MRPS27: variants seen among roughly 807,000 people sequenced by gnomAD.
MRPS27 encodes the protein mitochondrial ribosomal protein S27.
Under a neutral mutation model 48.9 loss-of-function variants are expected in MRPS27, and 43 were observed. That is an observed-to-expected ratio of 0.88 (90% confidence interval 0.69 to 1.13). The LOEUF is 1.13. Ranked by LOEUF, MRPS27 falls within the 50% of genes most tolerant of loss-of-function variation. The pLI, the probability that MRPS27 is intolerant of heterozygous loss-of-function variation, is 0.00. For synonymous variants in MRPS27, 188 were observed against 171.9 expected (o/e 1.09, Z -0.73); for missense variants, 467 against 476.3 (o/e 0.98, Z 0.18).
chr5:72,312,455 A>C (rs977888209), intron 2 of MRPS27, among the ~76,000 whole-genome samples: 3 of 151,966 alleles, frequency 2.0e-5, no homozygotes, highest in Non-Finnish European at 4.4e-5. Context: ...ACCCATCTAC[A>C]CTTCTTCCAT....
At chr5:72,261,731 T>C (rs1196630034) in intron 4 of MRPS27, among the ~76,000 whole-genome samples, 1 of 152,232 alleles carries the variant, frequency 6.6e-6, no homozygotes, top group Non-Finnish European at 1.5e-5. Context: ...GTCCGTACTA[T>C]AAAAGAGAAC....
intron 4 of MRPS27, among the ~76,000 whole-genome samples, chr5:72,258,000 C>T (rs150650063): frequency 7.4e-5 from 11 of 149,330 alleles, no homozygotes; most frequent in African/African-American, 2.7e-4. Flanking sequence ...ATGAGAATTG[C>T]TTGAACCTGG....
intron 2 of MRPS27, among the ~76,000 whole-genome samples, chr5:72,306,074 T>C (rs188369337): frequency 2.4e-3 from 365 of 152,348 alleles, no homozygotes; most frequent in Non-Finnish European, 4.0e-3. Context: ...AATGTCTCAA[T>C]TATTTAAATC....
At chr5:72,288,036 A>G (rs1176490757) in intron 4 of MRPS27, among the ~76,000 whole-genome samples, 1 of 152,190 alleles carries the variant, frequency 6.6e-6, no homozygotes, top group African/African-American at 2.4e-5. Flanking sequence ...CCAGAGGAAT[A>G]AAATGGAATA....
intron 4 of MRPS27, among the ~76,000 whole-genome samples, chr5:72,277,566 TG>T (rs1749410401): frequency 6.6e-6 from 1 of 151,368 alleles, no homozygotes; most frequent in Non-Finnish European, 1.5e-5. Flanking sequence ...ATCTTGCCAC[TG>T]CACTCCAGCC....
chr5:72,259,385 T>G (rs1348166347), intron 4 of MRPS27, among the ~76,000 whole-genome samples: 1 of 151,562 alleles, frequency 6.6e-6, no homozygotes, highest in Non-Finnish European at 1.5e-5. Context: ...GGAGAATTGC[T>G]TGAATCCGGG....
rs552899671 is a variant in MRPS27, at chr5:72,240,735, T to C, written c.282-2607A>G. 2.6e-5 allele frequency among the ~76,000 whole-genome samples: 4 copies of C among 152,296 alleles called. No individual in the cohort carries two copies. In the South Asian group the frequency reaches 6.2e-4, roughly 24 times the overall value. ...TCAAATTAAAACATATTTAAAGCCA[T>C]TTGCTAAGCTTCTAAGGCTAACTTC... On this transcript the variant is annotated intron_variant, in intron 4 of 10. Coordinates refer to ENST00000261413, the MANE Select transcript of MRPS27 (RefSeq NM_015084.3).
chr5:72,265,166 G>A (rs527254902), intron 4 of MRPS27, among the ~76,000 whole-genome samples: 13 of 152,138 alleles, frequency 8.5e-5, no homozygotes, highest in Non-Finnish European at 1.8e-4. Flanking sequence ...TATTAGACAA[G>A]GTTTCCTTAA....
intron 4 of MRPS27, among the ~76,000 whole-genome samples, chr5:72,278,894 A>G (rs955756345): frequency 5.3e-5 from 8 of 152,006 alleles, no homozygotes; most frequent in African/African-American, 1.9e-4. Context: ...TTCTTTTTCT[A>G]TTGGAGGATA....
At position 72,221,021 on chromosome 5, in the gene MRPS27, T is replaced by C. The variant is rs1256153805; in HGVS notation, c.1133A>G (p.Asn378Ser). The C allele has an allele frequency of 6.2e-7, 1 of 1,614,214 alleles. No individual in the cohort carries two copies. Among genetic ancestry groups the C allele is most frequent in the Non-Finnish European group, 8.5e-7 (1 of 1,180,020 alleles). Residue 378 changes from asparagine (N) to serine (S), a missense_variant, in exon 11 of 11, where the codon AAT becomes AGT. Transcript: ENST00000261413. ...EAEDIATYEQNLQQWHLDLVQ... is the reference protein window; with the variant it reads ...EAEDIATYEQSLQQWHLDLVQ... ...AAGGTCTAGATGCCACTGCTGCAGATTCTGCTCATAGGTGGCGATGTCCTC... is the reference window on the plus strand; with the variant it reads ...AAGGTCTAGATGCCACTGCTGCAGACTCTGCTCATAGGTGGCGATGTCCTC...
chr5:72,293,294 TAA>T (rs77853796), intron 4 of MRPS27, among the ~76,000 whole-genome samples: 6 of 137,656 alleles, frequency 4.4e-5, no homozygotes, highest in African/African-American at 8.0e-5. Context: ...ATTTCTGTCT[TAA>T]AAAAAAAAAA....
intron 4 of MRPS27, among the ~76,000 whole-genome samples, chr5:72,291,103 A>G (rs1323022478): frequency 1.3e-5 from 2 of 152,204 alleles, no homozygotes; most frequent in Non-Finnish European, 2.9e-5. Flanking sequence ...CTGTAGGGAA[A>G]CTTGGGAGAC....
At chr5:72,242,206 A>G (rs1415713449) in intron 4 of MRPS27, among the ~76,000 whole-genome samples, 2 of 152,140 alleles carry the variant, frequency 1.3e-5, no homozygotes, top group East Asian at 3.9e-4. Flanking sequence ...AACCACGGCC[A>G]ATAAAATAGC....
chr5:72,250,287 T>C (rs573091278), intron 4 of MRPS27, among the ~76,000 whole-genome samples: 32 of 152,322 alleles, frequency 2.1e-4, no homozygotes, highest in African/African-American at 7.5e-4. Flanking sequence ...AACAAGAAAG[T>C]TGGTGTCCAT....
chr5:72,279,673 CAAAAT>C (rs1325605546), intron 4 of MRPS27, among the ~76,000 whole-genome samples: 5 of 151,682 alleles, frequency 3.3e-5, no homozygotes, highest in East Asian at 1.9e-4. Context: ...CAAAACAAAA[CAAAAT>C]AAAACAAAAA....
chr5:72,288,974 G>A (rs1214392311), intron 4 of MRPS27: 2 of 152,192 alleles, frequency 1.3e-5, no homozygotes, highest in Admixed American at 6.5e-5. Flanking sequence ...TAGGCCTGGG[G>A]TGGTGCTATA....
Position 72,260,443 on chromosome 5 carries a change from C to A in MRPS27, c.282-22315G>T, listed in dbSNP as rs974005641. On this transcript the variant is annotated intron_variant, in intron 4 of 10. Transcript: ENST00000261413. The stretch of plus-strand genomic sequence containing the variant: ...TTGTTTTTCCTACTGTTTTATTTAA[C>A]CTTTCAACCTACAGACTCCTAATTT... 1.3e-5 allele frequency among the ~76,000 whole-genome samples: 2 copies of A among 152,140 alleles called. 1 individual carries two copies. The highest frequency in any genetic ancestry group is 4.1e-4 in the South Asian group (2 of 4,836).
chr5:72,272,344 G>T (rs1051355725), intron 4 of MRPS27, among the ~76,000 whole-genome samples: 2 of 152,202 alleles, frequency 1.3e-5, no homozygotes, highest in South Asian at 4.1e-4. Flanking sequence ...CTTAAAACTG[G>T]TAAGAGTAGC....
intron 4 of MRPS27, among the ~76,000 whole-genome samples, chr5:72,245,770 T>C (rs1748496325): frequency 6.6e-6 from 1 of 152,196 alleles, no homozygotes; most frequent in Non-Finnish European, 1.5e-5. Context: ...TGAGCAGATT[T>C]ATATGTGTTT....
Sources: allele counts gnomAD v4.1 joint callset (sites outside exome capture counted in the v4.1 genomes callset), GRCh38; gene constraint gnomAD v4.1.1; transcripts MANE v1.5; gene names NCBI Gene and HGNC (gene_info 2026-07-23, HGNC 2026-07-21).